Variants in FAT1 observed in about 807,000 individuals in gnomAD.
The protein encoded by FAT1 is protocadherin Fat 1.
A neutral mutation model predicts 329.8 loss-of-function variants in FAT1; 171 were observed. The observed-to-expected ratio is 0.52, with a 90% CI of 0.46 to 0.59. FAT1 has a LOEUF of 0.59. Ranked by LOEUF, FAT1 falls within the 20% of genes least tolerant of loss-of-function variation. FAT1 has a pLI of 0.00. For synonymous variants in FAT1, 2,233 were observed against 2,228.6 expected (o/e 1.00, Z -0.06); for missense variants, 5,672 against 5,774.4 (o/e 0.98, Z 0.57).
chr4:186,698,293 G>C (rs1744133955), intron 2 of FAT1, among the ~76,000 whole-genome samples: 1 of 152,174 alleles, frequency 6.6e-6, no homozygotes. Flanking sequence ...CCGCAGCGAA[G>C]AGAAGCAAAG....
chr4:186,591,642 G>T (rs950108305), intron 26 of FAT1, among the ~76,000 whole-genome samples: 1 of 152,170 alleles, frequency 6.6e-6, no homozygotes, highest in Non-Finnish European at 1.5e-5. Context: ...AATGCTGAAG[G>T]TCATCAGTTT....
At chr4:186,664,755 GA>G (rs1359829619) in intron 2 of FAT1, among the ~76,000 whole-genome samples, 6 of 152,146 alleles carry the variant, frequency 3.9e-5, no homozygotes, top group African/African-American at 1.4e-4. Flanking sequence ...CTCATGGATT[GA>G]TCACTCGGGA....
At chr4:186,628,793 A>G (rs199945699) in intron 7 of FAT1, 30 bp from the exon 8 acceptor site, 60 of 1,590,062 alleles carry the variant, frequency 3.8e-5, no homozygotes, top group East Asian at 3.6e-4. Context: ...GACTCATACA[A>G]TATTTCCAAT....
intron 9 of FAT1, among the ~76,000 whole-genome samples, chr4:186,627,397 G>A (rs1223639198): frequency 2.0e-5 from 3 of 152,228 alleles, no homozygotes; most frequent in African/African-American, 7.2e-5. Flanking sequence ...TGAGGGAATG[G>A]CAGTGGAAAA....
intron 6 of FAT1, among the ~76,000 whole-genome samples, chr4:186,634,601 C>T (rs2048673): frequency 0.14 from 20,315 of 150,172 alleles, 1,595 homozygotes; most frequent in East Asian, 0.38. Context: ...GGTGACCATG[C>T]GCACACTATG....
At chr4:186,642,078 T>G (rs928901062) in intron 3 of FAT1, among the ~76,000 whole-genome samples, 1 of 152,164 alleles carries the variant, frequency 6.6e-6, no homozygotes, top group Non-Finnish European at 1.5e-5. Flanking sequence ...TGAAATTATT[T>G]GCATGTTCTA....
At chr4:186,711,696 T>C (rs1468011057) in intron 1 of FAT1, among the ~76,000 whole-genome samples, 1 of 152,090 alleles carries the variant, frequency 6.6e-6, no homozygotes, top group African/African-American at 2.4e-5. Context: ...TGCAGCCGGA[T>C]CCCTTGAGCT....
chr4:186,651,648 G>C (rs533749949), intron 3 of FAT1, among the ~76,000 whole-genome samples: 1 of 152,114 alleles, frequency 6.6e-6, no homozygotes, highest in South Asian at 2.1e-4. Flanking sequence ...ATGCAGAGCC[G>C]ACAAGCCGAC....
intron 4 of FAT1, among the ~76,000 whole-genome samples, chr4:186,639,317 CAG>C (rs1740986432): frequency 1.3e-5 from 2 of 152,116 alleles, no homozygotes; most frequent in Non-Finnish European, 2.9e-5. Context: ...AAGGTTGAAA[CAG>C]ATCTATAAAT....
At chr4:186,702,496 T>C (rs1744377804) in intron 2 of FAT1, among the ~76,000 whole-genome samples, 1 of 152,142 alleles carries the variant, frequency 6.6e-6, no homozygotes, top group Admixed American at 6.5e-5. Flanking sequence ...GTCAAACACA[T>C]TCCAGGGCGT....
chr4:186,670,466 C>A (rs993824829), intron 2 of FAT1, among the ~76,000 whole-genome samples: 2 of 152,054 alleles, frequency 1.3e-5, no homozygotes, highest in South Asian at 4.1e-4. Flanking sequence ...AGCATTTTCC[C>A]AAATATGAAA....
chr4:186,641,615 C>T (rs1023025726), intron 3 of FAT1, among the ~76,000 whole-genome samples: 5 of 152,146 alleles, frequency 3.3e-5, no homozygotes, highest in African/African-American at 7.2e-5. Flanking sequence ...AACAGCACTG[C>T]GCAAATACTT....
intron 2 of FAT1, among the ~76,000 whole-genome samples, chr4:186,672,092 TA>T (rs1370785750): frequency 6.6e-6 from 1 of 152,142 alleles, no homozygotes; most frequent in African/African-American, 2.4e-5. Context: ...TTGCTAATCA[TA>T]AAACATAAGG....
At chr4:186,614,136 C>A in intron 12 of FAT1, 55 bp downstream of exon 12, 1 of 1,445,676 alleles carries the variant, frequency 6.9e-7, no homozygotes, top group Admixed American at 2.5e-5. Flanking sequence ...AAATCACCCA[C>A]ATATATGATA....
In FAT1 at chr4:186,618,958, T is replaced by C; in HGVS notation, c.7628A>G (p.Asn2543Ser). ...NDFAKDRFYI[N>S]ERGQIFTLEK... ...CAAAGTAAATATCTGTCCTCTCTCA[T>C]TTATGTAAAATCTGTCTTTGGCAAA... is the stretch of plus-strand genomic sequence containing the variant. The change falls in exon 10 of 27, where the codon AAT becomes AGT. Residue 2543 changes from asparagine (N) to serine (S), a missense_variant. Coordinates refer to ENST00000441802, the MANE Select transcript of FAT1 (RefSeq NM_005245.4). 2.5e-6 allele frequency: 4 copies of C among 1,613,986 alleles called. No individual in the cohort carries two copies. Among genetic ancestry groups the C allele is most frequent in the Non-Finnish European group, 2.5e-6 (3 of 1,179,900 alleles).
chr4:186,653,557 C>G (rs1477805698), intron 3 of FAT1, among the ~76,000 whole-genome samples: 6 of 152,104 alleles, frequency 3.9e-5, no homozygotes, highest in African/African-American at 1.4e-4. Flanking sequence ...ACTAGTCCCA[C>G]CAGTAAATAC....
rs758383716 is a variant in FAT1, at chr4:186,708,182, C to T, written c.1646G>A (p.Arg549Gln). ...AATTGTAGCAAGGACTTCGACTTCC[C>T]GGCGGTACGGCAAGCCCCAGTCTGA... The part of the protein sequence containing the change: ...RASDWGLPYR[R>Q]EVEVLATITL... The change falls in exon 2 of 27, where the codon CGG becomes CAG. Residue 549 changes from arginine (R) to glutamine (Q), a missense_variant. Arg to Gln is a conservative substitution (Grantham distance 43). Coordinates refer to ENST00000441802, the MANE Select transcript of FAT1 (RefSeq NM_005245.4). 5.6e-6 allele frequency: 9 copies of T among 1,613,826 alleles called. No homozygotes were observed. Among genetic ancestry groups the T allele is most frequent in the African/African-American group, 4.0e-5 (3 of 74,896 alleles).
Position 186,694,905 on chromosome 4 carries a change from G to T in FAT1, c.3265+11658C>A, listed in dbSNP as rs564661641. On this transcript the variant is annotated intron_variant, in intron 2 of 26. Coordinates refer to ENST00000441802, the MANE Select transcript of FAT1 (RefSeq NM_005245.4). The stretch of plus-strand genomic sequence containing the variant: ...TGAACCCAGGAGGCAGAGGTTGCAG[G>T]GAGCCAAGATCGTGCCACTGCACTC... 3.1e-4 allele frequency among the ~76,000 whole-genome samples: 47 copies of T among 152,232 alleles called. 2 individuals are homozygous for T. In the East Asian group the frequency reaches 8.7e-3, roughly 28 times the overall value.
rs4862721 is a variant in FAT1 at position 186,595,660 on chromosome 4, C to T, written c.13138+29G>A. On this transcript the variant is annotated intron_variant, in intron 26 of 26. Coordinates refer to ENST00000441802, the MANE Select transcript of FAT1 (RefSeq NM_005245.4). ...ACAGTAACACAACAAGCAAGCAAAG[C>T]GCAGTGTTGCAGCACACTGCTGCCT... 55,750 of 1,610,814 alleles carry T rather than the reference C, an allele frequency of 0.035. 1,113 individuals carry two copies. Among genetic ancestry groups the T allele is most frequent in the Non-Finnish European group, 0.04 (47,678 of 1,177,886 alleles).
Sources: gnomAD v4.1 joint callset for allele counts (sites outside exome capture counted in the v4.1 genomes callset) on GRCh38, gnomAD v4.1.1 for gene constraint, MANE v1.5 for transcripts, NCBI Gene and HGNC (gene_info 2026-07-23, HGNC 2026-07-21) for gene names.